SBF2: variants seen among roughly 807,000 people sequenced by gnomAD.
The protein encoded by SBF2 is SET binding factor 2.
SBF2 carries 112 observed loss-of-function variants against 225.2 expected under a neutral mutation model. That is an observed-to-expected ratio of 0.50 (90% CI 0.43 to 0.58). SBF2 has a LOEUF of 0.58. Among genes scored for constraint, SBF2 ranks in the 20% least tolerant of loss-of-function variants. The pLI is 0.00. For synonymous variants in SBF2, 763 were observed against 773.3 expected (o/e 0.99, Z 0.22); for missense variants, 1,996 against 2,206.2 (o/e 0.90, Z 1.91).
intron 1 of SBF2, among the ~76,000 whole-genome samples, chr11:10,217,258 C>T (rs927352900): frequency 6.6e-6 from 1 of 152,130 alleles, no homozygotes; most frequent in Non-Finnish European, 1.5e-5. Flanking sequence ...ATATTCATTG[C>T]TCATAAAGCA....
intron 16 of SBF2, among the ~76,000 whole-genome samples, chr11:9,912,055 G>A (rs1194133283): frequency 6.6e-6 from 1 of 152,126 alleles, no homozygotes; most frequent in African/African-American, 2.4e-5. Context: ...GGTGGCTCAC[G>A]CCTGTAATCC....
At chr11:10,084,924 T>C (rs888189957) in intron 2 of SBF2, among the ~76,000 whole-genome samples, 2 of 152,148 alleles carry the variant, frequency 1.3e-5, no homozygotes, top group African/African-American at 4.8e-5. Context: ...TAGTGGAGAC[T>C]CAGACAGGTG....
chr11:10,285,711 C>G (rs527719516), intron 1 of SBF2, among the ~76,000 whole-genome samples: 1 of 152,330 alleles, frequency 6.6e-6, no homozygotes, highest in African/African-American at 2.4e-5. Flanking sequence ...GCTGCTTGCT[C>G]AAGCCCATTC....
chr11:9,850,507 C>T (rs1307328077), intron 21 of SBF2, among the ~76,000 whole-genome samples: 1 of 152,050 alleles, frequency 6.6e-6, no homozygotes, highest in Non-Finnish European at 1.5e-5. Context: ...ATCCACCTGC[C>T]CCAGCCTCCC....
chr11:10,209,213 C>T (rs1957847306), intron 1 of SBF2, among the ~76,000 whole-genome samples: 1 of 152,040 alleles, frequency 6.6e-6, no homozygotes, highest in Non-Finnish European at 1.5e-5. Context: ...ATCAAGTAGG[C>T]CTTTCTCATT....
chr11:10,181,153 T>A (rs1956720309), intron 2 of SBF2, among the ~76,000 whole-genome samples: 1 of 152,084 alleles, frequency 6.6e-6, no homozygotes, highest in African/African-American at 2.4e-5. Flanking sequence ...TTTTTAAGTA[T>A]CAGAAATAAA....
chr11:9,829,405 G>C lies in SBF2; in HGVS notation c.3744C>G (p.Leu1248=), dbSNP rs752703631. ...TGACAGTAAGAGTGCTGTTGCCTCT[G>C]AGTTTCTGATGGACAGAAACAGCAT... ...LLNAVSVHQK[L]RGNSTLTVRP... is the part of the protein sequence containing the mutation. The change falls in exon 28 of 40, where the codon CTC becomes CTG. Residue 1248 remains leucine (L), a synonymous_variant. Transcript: ENST00000256190. 78 of 1,613,890 alleles carry C rather than the reference G, an allele frequency of 4.8e-5. No homozygotes were observed. The highest frequency in any genetic ancestry group is 6.4e-5 in the Non-Finnish European group (76 of 1,179,880).
intron 16 of SBF2, among the ~76,000 whole-genome samples, chr11:9,899,905 T>C (rs1052251803): frequency 2.0e-5 from 3 of 152,042 alleles, no homozygotes; most frequent in Non-Finnish European, 4.4e-5. Context: ...GAGGGGAGGA[T>C]GAGTGGGGAG....
intron 16 of SBF2, among the ~76,000 whole-genome samples, chr11:9,898,119 A>AGAAGTGAGGAAGAGTCAGAAGG (rs1488312567): frequency 2.6e-5 from 4 of 152,114 alleles, no homozygotes; most frequent in African/African-American, 9.7e-5. Context: ...GGAAATAGGC[A>AGAAGTGAGGAAGAGTCAGAAGG]AAGATAATCT....
chr11:9,846,051 A>G (rs1269769105), intron 23 of SBF2, among the ~76,000 whole-genome samples: 1 of 152,192 alleles, frequency 6.6e-6, no homozygotes, highest in East Asian at 1.9e-4. Flanking sequence ...TTGGTTCCAG[A>G]TAGAGAATTT....
intron 1 of SBF2, among the ~76,000 whole-genome samples, chr11:10,194,877 T>TAG (rs59427510): frequency 0.27 from 41,416 of 151,964 alleles, 5,771 homozygotes; most frequent in Middle Eastern, 0.34. Flanking sequence ...CATTGAAATC[T>TAG]AGTCTCTACC....
At position 9,993,037 on chromosome 11, in the gene SBF2, G is replaced by C; in HGVS notation, c.1120C>G (p.Leu374Val). The C allele has an allele frequency of 6.2e-7, 1 of 1,612,748 alleles. No individual in the cohort carries two copies. Among genetic ancestry groups the C allele is most frequent in the South Asian group, 1.1e-5 (1 of 91,068 alleles). Reference sequence around the variant, plus strand: ...TCTGCATGAATTCTTATAAGTTGCAGGCAGGATCTATATCCTTGGAAGAGT... The same window carrying C: ...TCTGCATGAATTCTTATAAGTTGCACGCAGGATCTATATCCTTGGAAGAGT... ...AQLFQGYRSC[L>V]QLIRIHAEPV... Residue 374 changes from leucine to valine, a missense_variant, in exon 11 of 40, where the codon CTG becomes GTG. Coordinates refer to ENST00000256190, the MANE Select transcript of SBF2 (RefSeq NM_030962.4).
At position 9,782,861 on chromosome 11, in the gene SBF2, C is replaced by CTCTG. The variant is rs1454406404; in HGVS notation, c.5320-1227_5320-1224dup. On this transcript the variant is annotated intron_variant, in intron 38 of 39. Coordinates refer to ENST00000256190, the MANE Select transcript of SBF2 (RefSeq NM_030962.4). ...CTCCAGCCTGGGTGACAAAGCGAGA[C>CTCTG]TCTGTCTCAAAAGAAAAAAAAAAAA... Among the ~76,000 whole-genome samples the CTCTG allele has an allele frequency of 1.4e-3, 202 of 143,254 alleles. 2 individuals are homozygous for CTCTG. Among genetic ancestry groups the CTCTG allele is most frequent in the African/African-American group, 5.1e-3 (197 of 38,876 alleles). 94.0% of individuals were successfully genotyped at this position (143,254 alleles called of 152,430 possible). A position where few individuals can be genotyped will look rare whatever the true frequency, so the allele number is the denominator to read the frequency against.
chr11:9,832,684 T>A (rs996538497), intron 26 of SBF2, among the ~76,000 whole-genome samples: 8 of 152,324 alleles, frequency 5.3e-5, no homozygotes, highest in Admixed American at 5.2e-4. Flanking sequence ...CAAGCGATCC[T>A]CCTTCCTCAG....
At chr11:10,205,025 G>A (rs999239267) in intron 1 of SBF2, among the ~76,000 whole-genome samples, 10 of 151,776 alleles carry the variant, frequency 6.6e-5, no homozygotes, top group Admixed American at 6.6e-4. Context: ...GTGGGAGGGG[G>A]GAGGCAGAGT....
chr11:9,850,233 AGATTGATT>A lies in SBF2; in HGVS notation c.2611-23_2611-16del, dbSNP rs202029370. 11 of 1,609,978 alleles carry A rather than the reference AGATTGATT, an allele frequency of 6.8e-6. No individual in the cohort carries two copies. In the African/African-American group the frequency reaches 8.0e-5, roughly 12 times the overall value. On this transcript the variant is annotated splice_polypyrimidine_tract_variant and intron_variant, in intron 21 of 39. Transcript: ENST00000256190. ...AGAATCTTGGGCTTACAACAGAAAA[AGATTGATT>A]GATTGATTGATTGACTAATTGATTG...
At chr11:9,944,040 G>GT (rs1396827906) in intron 16 of SBF2, among the ~76,000 whole-genome samples, 2 of 152,158 alleles carry the variant, frequency 1.3e-5, no homozygotes, top group Non-Finnish European at 2.9e-5. Context: ...TAAATAAGCC[G>GT]TAACTACATG....
At chr11:10,267,531 G>A (rs929250822) in intron 1 of SBF2, among the ~76,000 whole-genome samples, 7 of 152,184 alleles carry the variant, frequency 4.6e-5, no homozygotes, top group Non-Finnish European at 8.8e-5. Context: ...TGACTTGAGC[G>A]AATGGCCAAG....
intron 2 of SBF2, among the ~76,000 whole-genome samples, chr11:10,157,792 C>T (rs1247848478): frequency 6.6e-6 from 1 of 152,186 alleles, no homozygotes; most frequent in African/African-American, 2.4e-5. Context: ...TTCCATGAAA[C>T]TGGTCCCTGA....
Sources: gnomAD v4.1 joint callset for allele counts (sites outside exome capture counted in the v4.1 genomes callset) on GRCh38, gnomAD v4.1.1 for gene constraint, MANE v1.5 for transcripts, NCBI Gene and HGNC (gene_info 2026-07-23, HGNC 2026-07-21) for gene names.